DNER: variants seen among roughly 807,000 people sequenced by gnomAD.
DNER encodes the protein delta and Notch-like epidermal growth factor-related receptor.
A neutral mutation model predicts 78.2 loss-of-function variants in DNER; 33 were observed. The ratio of observed to expected loss-of-function variants is 0.42; its 90% CI spans 0.32 to 0.56. The LOEUF (loss-of-function observed/expected upper bound fraction) is 0.56. DNER is among the 20% of genes least tolerant of loss of function. The pLI is 0.11. For missense variants in DNER, 918 were observed against 975.3 expected (o/e 0.94, Z 0.78); for synonymous variants, 417 against 384.8 (o/e 1.08, Z -0.98).
intron 6 of DNER, among the ~76,000 whole-genome samples, chr2:229,505,177 AGTGTGTGTGTGTGTGTGT>A (rs144321798): frequency 7.9e-6 from 1 of 126,448 alleles, no homozygotes; most frequent in East Asian, 2.4e-4. Context: ...GTGTTGCTGC[AGTGTGTGTGTGTGTGTGT>A]GTGTGTGTGT....
intron 4 of DNER, among the ~76,000 whole-genome samples, chr2:229,575,620 TC>T (rs1025186931): frequency 3.8e-4 from 58 of 152,244 alleles, no homozygotes; most frequent in African/African-American, 1.4e-3. Context: ...ATCTCATCCA[TC>T]TTTGATCACC....
intron 1 of DNER, among the ~76,000 whole-genome samples, chr2:229,613,500 G>C (rs1169205914): frequency 6.6e-6 from 1 of 152,144 alleles, no homozygotes. Context: ...AAGTAACCCT[G>C]TAAGGCAAAT....
chr2:229,419,045 T>A (rs1333354839), intron 8 of DNER, among the ~76,000 whole-genome samples: 1 of 152,182 alleles, frequency 6.6e-6, no homozygotes, highest in Non-Finnish European at 1.5e-5. Flanking sequence ...TGATGAAATG[T>A]GAGGGTATTT....
At chr2:229,514,794 A>T (rs1297503613) in intron 5 of DNER, among the ~76,000 whole-genome samples, 1 of 152,168 alleles carries the variant, frequency 6.6e-6, no homozygotes, top group Non-Finnish European at 1.5e-5. Flanking sequence ...CTGACTGAAC[A>T]AGAAGTGTGC....
chr2:229,481,285 G>A (rs1344117247), intron 6 of DNER, among the ~76,000 whole-genome samples: 1 of 152,102 alleles, frequency 6.6e-6, no homozygotes, highest in East Asian at 1.9e-4. Flanking sequence ...TGGCCTCCAG[G>A]GAGTTACTAG....
intron 6 of DNER, among the ~76,000 whole-genome samples, chr2:229,496,106 G>A (rs1304710116): frequency 6.6e-6 from 1 of 152,172 alleles, no homozygotes; most frequent in Non-Finnish European, 1.5e-5. Context: ...TCAGGTCAAT[G>A]TAATGGAAAA....
chr2:229,493,241 C>G (rs138827964), intron 6 of DNER, among the ~76,000 whole-genome samples: 9 of 152,264 alleles, frequency 5.9e-5, no homozygotes, highest in Non-Finnish European at 1.0e-4. Context: ...TTAGTAGGAA[C>G]AATGTAGTGC....
intron 6 of DNER, among the ~76,000 whole-genome samples, chr2:229,490,207 A>G (rs1406140949): frequency 1.3e-5 from 2 of 152,186 alleles, no homozygotes; most frequent in African/African-American, 4.8e-5. Flanking sequence ...GGAATATAGC[A>G]GAAAGAGGGA....
At chr2:229,628,594 T>C (rs886761433) in intron 1 of DNER, among the ~76,000 whole-genome samples, 5 of 152,140 alleles carry the variant, frequency 3.3e-5, no homozygotes, top group Non-Finnish European at 5.9e-5. Flanking sequence ...TCTGACGCGG[T>C]GGACAAGGGT....
chr2:229,660,870 T>G (rs1162094138), intron 1 of DNER, among the ~76,000 whole-genome samples: 3 of 152,116 alleles, frequency 2.0e-5, no homozygotes, highest in African/African-American at 7.2e-5. Context: ...GAAAAAGATA[T>G]GTCTTAAAAC....
intron 4 of DNER, among the ~76,000 whole-genome samples, chr2:229,569,003 G>A (rs567509370): frequency 1.3e-5 from 2 of 152,276 alleles, no homozygotes; most frequent in Admixed American, 6.5e-5. Flanking sequence ...GCATATACAC[G>A]AATGTGCATC....
chr2:229,614,239 C>T (rs1698110639), intron 1 of DNER, among the ~76,000 whole-genome samples: 1 of 151,312 alleles, frequency 6.6e-6, no homozygotes, highest in South Asian at 2.1e-4. Flanking sequence ...AAATAAATTC[C>T]TAATCATGCG....
chr2:229,410,601 T>C (rs925717394), intron 9 of DNER, among the ~76,000 whole-genome samples: 1 of 152,236 alleles, frequency 6.6e-6, no homozygotes, highest in Non-Finnish European at 1.5e-5. Flanking sequence ...AGCTGATGTT[T>C]AGTCTCAAGC....
rs1188357197 is a variant in DNER at position 229,536,819 on chromosome 2, CA to C, written c.993+10127del. 6.6e-5 allele frequency among the ~76,000 whole-genome samples: 10 copies of C among 152,284 alleles called. No homozygotes were observed. In the South Asian group the frequency reaches 2.1e-3, roughly 32 times the overall value. On this transcript the variant is annotated intron_variant, in intron 5 of 12. Coordinates refer to ENST00000341772, the MANE Select transcript of DNER (RefSeq NM_139072.4). The stretch of plus-strand genomic sequence containing the variant: ...TAGCAAATGAAGTGTGAAATCGGGC[CA>C]CACACAGTTCCTGGAGGCGTATGAA...
At chr2:229,582,263 A>T (rs1697411063) in intron 4 of DNER, among the ~76,000 whole-genome samples, 1 of 152,264 alleles carries the variant, frequency 6.6e-6, no homozygotes, top group South Asian at 2.1e-4. Context: ...CGTAGTGAGC[A>T]TCAGGCTTCC....
chr2:229,369,074 C>T (rs1423582701), intron 11 of DNER, among the ~76,000 whole-genome samples: 1 of 152,132 alleles, frequency 6.6e-6, no homozygotes, highest in Non-Finnish European at 1.5e-5. Context: ...TTTACTTGAT[C>T]TCCTTGAGCT....
intron 4 of DNER, among the ~76,000 whole-genome samples, chr2:229,547,917 G>A (rs1335625687): frequency 6.6e-6 from 1 of 152,158 alleles, no homozygotes; most frequent in Non-Finnish European, 1.5e-5. Context: ...AAGTATTTTT[G>A]CATCAAGGAT....
At chr2:229,433,236 C>A (rs1196576620) in intron 8 of DNER, among the ~76,000 whole-genome samples, 2 of 152,178 alleles carry the variant, frequency 1.3e-5, no homozygotes, top group Non-Finnish European at 2.9e-5. Context: ...CCGTGCCCAG[C>A]CGGTTTTGTA....
chr2:229,623,587 G>A (rs1468298276), intron 1 of DNER, among the ~76,000 whole-genome samples: 2 of 152,332 alleles, frequency 1.3e-5, no homozygotes, highest in East Asian at 3.9e-4. Flanking sequence ...CCTGGCATTT[G>A]AGTTTCAAAA....
Sources: allele counts gnomAD v4.1 joint callset (sites outside exome capture counted in the v4.1 genomes callset), GRCh38; gene constraint gnomAD v4.1.1; transcripts MANE v1.5; gene names NCBI Gene and HGNC (gene_info 2026-07-23, HGNC 2026-07-21).